Variants in HHAT observed in about 807,000 individuals in gnomAD.
The protein encoded by HHAT is protein-cysteine N-palmitoyltransferase HHAT.
A neutral mutation model predicts 70.8 loss-of-function variants in HHAT; 47 were observed. The ratio of observed to expected loss-of-function variants is 0.66; its 90% CI spans 0.53 to 0.85. HHAT has a LOEUF of 0.85. Among genes scored for constraint, HHAT ranks in the 40% least tolerant of loss-of-function variants. HHAT has a pLI of 0.00. For synonymous variants in HHAT, 228 were observed against 247.6 expected, an observed-to-expected ratio of 0.92 and a Z score of 0.74; for missense variants, 609 against 604.8, an observed-to-expected ratio of 1.01 and a Z score of -0.07.
At position 210,449,283 on chromosome 1, in the gene HHAT, T is replaced by C. The variant is rs575958101; in HGVS notation, c.857-15222T>C. ...GGAACAAAGCTCATCCTCTACTTTT[T>C]TTTTTTTTCTAAACAGACCAATCTT... On this transcript the variant is annotated intron_variant, in intron 7 of 11. Coordinates refer to ENST00000261458, the MANE Select transcript of HHAT (RefSeq NM_018194.6). 2.0e-5 allele frequency among the ~76,000 whole-genome samples: 3 copies of C among 151,942 alleles called. No individual in the cohort carries two copies. The South Asian group carries it at 6.3e-4, about 32-fold the overall frequency.
intron 1 of HHAT, among the ~76,000 whole-genome samples, chr1:210,348,729 A>ATGTGTGCGTGTG (rs2086738272): frequency 1.4e-5 from 1 of 72,264 alleles, no homozygotes; most frequent in Non-Finnish European, 2.5e-5. Context: ...TGTGTGGTGT[A>ATGTGTGCGTGTG]TGTGTGCGTG....
chr1:210,357,862 A>G (rs2087816409), intron 2 of HHAT, among the ~76,000 whole-genome samples: 1 of 152,186 alleles, frequency 6.6e-6, no homozygotes, highest in Non-Finnish European at 1.5e-5. Context: ...CTTAGTCTTC[A>G]TTTCCTTACT....
intron 7 of HHAT, among the ~76,000 whole-genome samples, chr1:210,455,953 C>G (rs561683985): frequency 1.3e-5 from 2 of 152,232 alleles, no homozygotes; most frequent in Non-Finnish European, 2.9e-5. Flanking sequence ...GTCTGAGAAG[C>G]CACGCCTGAA....
intron 11 of HHAT, among the ~76,000 whole-genome samples, chr1:210,635,892 G>A (rs1399010569): frequency 6.6e-6 from 1 of 151,642 alleles, no homozygotes; most frequent in Non-Finnish European, 1.5e-5. Context: ...CTACCTGAAT[G>A]AATACTTTTT....
At chr1:210,577,666 G>GTTTTTTT (rs80242108) in intron 9 of HHAT, among the ~76,000 whole-genome samples, 1 of 17,146 alleles carries the variant, frequency 5.8e-5, no homozygotes, top group East Asian at 2.2e-3. Context: ...TTTTTTTTTC[G>GTTTTTTT]AAATGGAGTC....
chr1:210,515,757 CAAAAAAAA>C (rs34971563), intron 9 of HHAT, among the ~76,000 whole-genome samples: 1 of 80,310 alleles, frequency 1.2e-5, no homozygotes, highest in Non-Finnish European at 2.3e-5. Flanking sequence ...GACTCCGTCT[CAAAAAAAA>C]AAAAAAAAAA....
intron 11 of HHAT, among the ~76,000 whole-genome samples, chr1:210,672,768 AAAG>A (rs1680349474): frequency 6.6e-6 from 1 of 152,232 alleles, no homozygotes; most frequent in Non-Finnish European, 1.5e-5. Flanking sequence ...AAGAAAAAGA[AAAG>A]AACATCAGAT....
intron 9 of HHAT, among the ~76,000 whole-genome samples, chr1:210,523,613 T>C (rs1272500284): frequency 6.9e-6 from 1 of 145,576 alleles, no homozygotes; most frequent in Admixed American, 6.9e-5. Flanking sequence ...TGTGTGTGTG[T>C]GCGCGCGCAC....
chr1:210,425,317 A>G (rs1368827570), intron 7 of HHAT, among the ~76,000 whole-genome samples: 1 of 152,152 alleles, frequency 6.6e-6, no homozygotes, highest in Non-Finnish European at 1.5e-5. Flanking sequence ...CTCTGTTGAT[A>G]GTTTGTTTTG....
In HHAT at chr1:210,328,982, C is replaced by G. The variant is rs190621512; in HGVS notation, c.-166C>G. The G allele has an allele frequency of 2.2e-6, 3 of 1,336,350 alleles. No individual in the cohort carries two copies. The Admixed American group carries it at 1.0e-4, about 45-fold the overall frequency. 82.8% of individuals were successfully genotyped at this position (1,336,350 alleles called of 1,614,324 possible). On this transcript the variant is annotated 5_prime_UTR_variant, in exon 1 of 12. Coordinates refer to ENST00000261458, the MANE Select transcript of HHAT (RefSeq NM_018194.6). ...GGCAGCTCCGGGGGAAAGAGGGTGG[C>G]GTCCCGGGGAAGCCCGCAGCCGCCG...
rs570098906 is a variant in HHAT, at chr1:210,467,022, T to G, written c.1007+2367T>G. On this transcript the variant is annotated intron_variant, in intron 8 of 11. Transcript: ENST00000261458. ...TGATGTCGTTCTAAAAAGAGGTGTT[T>G]CTGAGGGCATGTGACAAAGTAACAA... Among the ~76,000 whole-genome samples the G allele has an allele frequency of 7.9e-5, 12 of 152,346 alleles. 1 individual carries two copies. Among genetic ancestry groups the G allele is most frequent in the Admixed American group, 4.6e-4 (7 of 15,306 alleles).
At chr1:210,602,712 C>T (rs766923366) in intron 10 of HHAT, among the ~76,000 whole-genome samples, 3 of 150,844 alleles carry the variant, frequency 2.0e-5, no homozygotes, top group African/African-American at 7.4e-5. Context: ...AGTGCTCACC[C>T]GGGCCTCTGG....
chr1:210,583,479 T>C (rs971581303), intron 9 of HHAT, among the ~76,000 whole-genome samples: 3 of 152,218 alleles, frequency 2.0e-5, no homozygotes, highest in African/African-American at 7.2e-5. Context: ...TTCATACTAT[T>C]GCTTTTCTAA....
At chr1:210,332,995 C>G (rs1444925601) in intron 1 of HHAT, among the ~76,000 whole-genome samples, 1 of 152,140 alleles carries the variant, frequency 6.6e-6, no homozygotes, top group Non-Finnish European at 1.5e-5. Context: ...GACAAATGTG[C>G]AGTGCAGGAA....
chr1:210,546,485 G>A (rs2095484520), intron 9 of HHAT, among the ~76,000 whole-genome samples: 1 of 152,198 alleles, frequency 6.6e-6, no homozygotes, highest in African/African-American at 2.4e-5. Flanking sequence ...GAAGATGAGT[G>A]CATGCTTGGA....
chr1:210,671,028 A>G (rs2148984029), intron 11 of HHAT, among the ~76,000 whole-genome samples: 1 of 152,218 alleles, frequency 6.6e-6, no homozygotes, highest in South Asian at 2.1e-4. Context: ...AAACATGTCT[A>G]TGCCTCACCT....
In HHAT at chr1:210,560,008, G is replaced by A. The variant is rs1196146797; in HGVS notation, c.1044-27890G>A. ...CCACTAATCGTAGAAGGCCCTTTAA[G>A]CCCTGGGATCGTGTGTCTTTCTCCT... is the stretch of plus-strand genomic sequence containing the variant. On this transcript the variant is annotated intron_variant, in intron 9 of 11. Coordinates refer to ENST00000261458, the MANE Select transcript of HHAT (RefSeq NM_018194.6). 2.6e-5 allele frequency among the ~76,000 whole-genome samples: 4 copies of A among 152,126 alleles called. No individual in the cohort carries two copies. The East Asian group carries it at 7.7e-4, about 29-fold the overall frequency.
chr1:210,416,803 AG>A (rs1307865498), intron 6 of HHAT, among the ~76,000 whole-genome samples: 1 of 152,206 alleles, frequency 6.6e-6, no homozygotes, highest in Non-Finnish European at 1.5e-5. Context: ...ACACACATGG[AG>A]GCGGTTAATG....
chr1:210,348,460 T>TA (rs2086710263), intron 1 of HHAT, among the ~76,000 whole-genome samples: 1 of 152,152 alleles, frequency 6.6e-6, no homozygotes, highest in African/African-American at 2.4e-5. Context: ...TAGAGGTTTG[T>TA]ATACTGTTTG....
Sources: allele counts gnomAD v4.1 joint callset (sites outside exome capture counted in the v4.1 genomes callset), GRCh38; gene constraint gnomAD v4.1.1; transcripts MANE v1.5; gene names NCBI Gene and HGNC (gene_info 2026-07-23, HGNC 2026-07-21).